The following PLD5 variants were observed in gnomAD, a reference collection of about 807,000 sequenced individuals.
PLD5 encodes the protein inactive phospholipase D5.
A neutral mutation model predicts 61.1 loss-of-function variants in PLD5; 36 were observed. The ratio of observed to expected loss-of-function variants is 0.59; its 90% confidence interval spans 0.45 to 0.78. The LOEUF (loss-of-function observed/expected upper bound fraction) is 0.78. PLD5 is among the 30% of genes least tolerant of loss of function. The pLI is 0.00. For missense variants in PLD5, 515 were observed against 644.4 expected (o/e 0.80, Z 2.17); for synonymous variants, 243 against 242.8 (o/e 1.00, Z -0.01).
At chr1:242,486,194 CA>C (rs1362954319) in intron 1 of PLD5, among the ~76,000 whole-genome samples, 11 of 151,958 alleles carry the variant, frequency 7.2e-5, no homozygotes, top group African/African-American at 2.7e-4. Flanking sequence ...GCAATGGCAA[CA>C]AAAGACAAAA....
chr1:242,509,592 G>T (rs929113176), intron 1 of PLD5, among the ~76,000 whole-genome samples: 2 of 152,088 alleles, frequency 1.3e-5, no homozygotes, highest in African/African-American at 4.8e-5. Flanking sequence ...AAAGAAAATG[G>T]GCAGAGAGAT....
chr1:242,368,213 A>G (rs988942124), intron 1 of PLD5, among the ~76,000 whole-genome samples: 10 of 152,092 alleles, frequency 6.6e-5, no homozygotes, highest in Admixed American at 5.2e-4. Flanking sequence ...TAAACAACCA[A>G]ATATTTTCTT....
intron 2 of PLD5, among the ~76,000 whole-genome samples, chr1:242,320,736 G>A (rs1478273849): frequency 1.3e-5 from 2 of 152,132 alleles, no homozygotes; most frequent in Non-Finnish European, 2.9e-5. Flanking sequence ...GGTGACCAGT[G>A]GGAGTTCTCC....
chr1:242,394,772 ATATATGTGTATATATGTGAAT>A (rs1663331206), intron 1 of PLD5, among the ~76,000 whole-genome samples: 1 of 85,928 alleles, frequency 1.2e-5, no homozygotes, highest in African/African-American at 5.0e-5. Flanking sequence ...ATATGTGAAT[ATATATGTGTATATATGTGAAT>A]ATATATGTGT....
At chr1:242,315,531 G>A (rs1049379702) in intron 2 of PLD5, among the ~76,000 whole-genome samples, 6 of 152,012 alleles carry the variant, frequency 3.9e-5, no homozygotes, top group Non-Finnish European at 8.8e-5. Flanking sequence ...CAACATCCTC[G>A]GCAGCTCTAG....
Position 242,124,516 on chromosome 1 carries a change from C to T in PLD5, c.885G>A (p.Lys295=). 1 of 1,614,022 alleles carries T rather than the reference C, an allele frequency of 6.2e-7. No individual in the cohort carries two copies. The highest frequency in any genetic ancestry group is 8.5e-7 in the Non-Finnish European group (1 of 1,179,966). The part of the protein sequence containing the change: ...KRLYGVYDNE[K]KLQLQLNETK... ...TTTCATTCAACTGAAGTTGCAATTT[C>T]TTTTCATTGTCATAGACTCCATAGA... The change falls in exon 6 of 10, where the codon AAG becomes AAA. Residue 295 remains lysine (K), a synonymous_variant. Coordinates refer to ENST00000536534, the MANE Select transcript of PLD5 (RefSeq NM_001372062.1).
intron 7 of PLD5, among the ~76,000 whole-genome samples, chr1:242,113,318 C>T (rs1450527047): frequency 6.6e-6 from 1 of 152,098 alleles, no homozygotes; most frequent in East Asian, 1.9e-4. Context: ...TGGTCTCGAT[C>T]TCCTGACCTC....
chr1:242,307,626 T>C (rs1676457281), intron 2 of PLD5, among the ~76,000 whole-genome samples: 1 of 152,148 alleles, frequency 6.6e-6, no homozygotes, highest in Non-Finnish European at 1.5e-5. Flanking sequence ...TGGAAGCTTC[T>C]CTCACACTGT....
rs947553580 is a variant in PLD5, at chr1:242,190,014, C to T, written c.735+29974G>A. The stretch of plus-strand genomic sequence containing the variant: ...GATTCAATTGAAACTCAAATGTCAC[C>T]CCTCTGCAGAGCTCTCCGTGGTCTC... On this transcript the variant is annotated intron_variant, in intron 5 of 9. Coordinates refer to ENST00000536534, the MANE Select transcript of PLD5 (RefSeq NM_001372062.1). Among the ~76,000 whole-genome samples, 8 of 151,754 alleles carry T rather than the reference C, an allele frequency of 5.3e-5. No homozygotes were observed. In the East Asian group the frequency reaches 1.2e-3, roughly 22 times the overall value.
intron 1 of PLD5, among the ~76,000 whole-genome samples, chr1:242,436,838 A>G (rs1324084087): frequency 6.6e-6 from 1 of 152,248 alleles, no homozygotes; most frequent in East Asian, 1.9e-4. Context: ...CTACCACGTA[A>G]GCAAATATTT....
intron 1 of PLD5, among the ~76,000 whole-genome samples, chr1:242,490,412 A>G (rs532421426): frequency 6.6e-6 from 1 of 152,368 alleles, no homozygotes; most frequent in African/African-American, 2.4e-5. Context: ...GTGTGCACAT[A>G]CAAATTTTCT....
At chr1:242,302,039 C>T (rs1676080500) in intron 2 of PLD5, among the ~76,000 whole-genome samples, 1 of 152,204 alleles carries the variant, frequency 6.6e-6, no homozygotes, top group Non-Finnish European at 1.5e-5. Flanking sequence ...CCTTGGTCTC[C>T]CAAAGTGCTG....
chr1:242,099,263 C>T (rs1016486255), intron 9 of PLD5, among the ~76,000 whole-genome samples: 9 of 152,158 alleles, frequency 5.9e-5, no homozygotes, highest in African/African-American at 2.2e-4. Context: ...GCTGGGATTA[C>T]AGACACCCAC....
At chr1:242,362,807 G>C (rs1236897592) in intron 1 of PLD5, among the ~76,000 whole-genome samples, 2 of 151,906 alleles carry the variant, frequency 1.3e-5, no homozygotes, top group African/African-American at 4.8e-5. Flanking sequence ...TTCTCACTCT[G>C]TACCCCTTTC....
At chr1:242,341,028 G>A (rs951473315) in intron 2 of PLD5, among the ~76,000 whole-genome samples, 1 of 151,990 alleles carries the variant, frequency 6.6e-6, no homozygotes, top group Non-Finnish European at 1.5e-5. Flanking sequence ...TCATGAAAAG[G>A]AACCAGGGCT....
intron 1 of PLD5, among the ~76,000 whole-genome samples, chr1:242,431,512 T>C (rs1438383856): frequency 6.6e-6 from 1 of 152,238 alleles, no homozygotes; most frequent in Non-Finnish European, 1.5e-5. Flanking sequence ...AAATATGTGG[T>C]GCATGTGACG....
At chr1:242,250,787 T>C (rs1451460032) in intron 4 of PLD5, among the ~76,000 whole-genome samples, 1 of 152,142 alleles carries the variant, frequency 6.6e-6, no homozygotes, top group Non-Finnish European at 1.5e-5. Flanking sequence ...GAATAGAACA[T>C]AGTTAACATT....
chr1:242,458,974 T>C (rs1052402731), intron 1 of PLD5, among the ~76,000 whole-genome samples: 1 of 152,242 alleles, frequency 6.6e-6, no homozygotes, highest in African/African-American at 2.4e-5. Context: ...CTGCTGCTAC[T>C]GCTGGAGTTG....
intron 1 of PLD5, among the ~76,000 whole-genome samples, chr1:242,487,824 AT>A (rs35299269): frequency 0.32 from 48,219 of 151,916 alleles, 8,098 homozygotes; most frequent in Admixed American, 0.43. Context: ...TTAATTTATA[AT>A]TCTCTATGTA....
Sources: allele counts gnomAD v4.1 joint callset (sites outside exome capture counted in the v4.1 genomes callset), GRCh38; gene constraint gnomAD v4.1.1; transcripts MANE v1.5; gene names NCBI Gene and HGNC (gene_info 2026-07-23, HGNC 2026-07-21).